The following SF3B3 variants were observed in gnomAD, a reference collection of about 807,000 sequenced individuals.
SF3B3 encodes SAP 130.
SF3B3 carries 33 observed loss-of-function variants against 139.2 expected under a neutral mutation model. The ratio of observed to expected loss-of-function variants is 0.24; its 90% CI spans 0.18 to 0.32. SF3B3 has a LOEUF of 0.32. SF3B3 is among the 10% of genes least tolerant of loss of function. SF3B3 has a pLI of 1.00. For synonymous variants in SF3B3, 596 were observed against 563.6 expected (o/e 1.06, Z -0.81); for missense variants, 818 against 1,509.4 (o/e 0.54, Z 7.59).
intron 15 of SF3B3, among the ~76,000 whole-genome samples, chr16:70,557,759 C>T (rs550819295): frequency 1.8e-4 from 27 of 152,118 alleles, no homozygotes; most frequent in African/African-American, 6.3e-4. Context: ...CAGCAACATT[C>T]TGCTGTTCTT....
intron 22 of SF3B3, 78 bp from the exon 23 acceptor site, chr16:70,568,965 C>G: frequency 1.9e-6 from 2 of 1,025,730 alleles, no homozygotes; most frequent in South Asian, 3.1e-5. Flanking sequence ...TTGCAAAGAC[C>G]TGGCCAGACC....
intron 15 of SF3B3, 54 bp downstream of exon 15, chr16:70,557,083 A>C: frequency 6.6e-7 from 1 of 1,518,476 alleles, no homozygotes; most frequent in Non-Finnish European, 8.8e-7. Flanking sequence ...TACGTTTCAC[A>C]CACTCCTTTG....
intron 8 of SF3B3, 57 bp from the exon 9 acceptor site, chr16:70,541,612 A>G (rs1171579925): frequency 2.2e-6 from 3 of 1,391,118 alleles, no homozygotes; most frequent in Non-Finnish European, 3.0e-6. Context: ...GATGCCAGAC[A>G]TTATCGTCAG....
intron 11 of SF3B3, among the ~76,000 whole-genome samples, chr16:70,552,531 A>G (rs2050337296): frequency 6.6e-6 from 1 of 152,226 alleles, no homozygotes; most frequent in Non-Finnish European, 1.5e-5. Context: ...AAGCCATCTT[A>G]TAAGACGTTC....
At chr16:70,538,271 A>G (rs761470262) in intron 6 of SF3B3, 52 bp from the exon 7 acceptor site, 40 of 1,537,394 alleles carry the variant, frequency 2.6e-5, no homozygotes, top group Admixed American at 8.5e-5. Context: ...TGAATTCCAG[A>G]ACTAAGAAGT....
intron 5 of SF3B3, among the ~76,000 whole-genome samples, chr16:70,534,737 T>A (rs886639044): frequency 2.6e-5 from 4 of 152,204 alleles, no homozygotes; most frequent in African/African-American, 9.6e-5. Context: ...GGCACGATCT[T>A]GGCTCACTAC....
At chr16:70,554,967 G>A (rs1336322022) in intron 12 of SF3B3, 84 bp from the exon 13 acceptor site, 2 of 1,347,378 alleles carry the variant, frequency 1.5e-6, no homozygotes, top group Non-Finnish European at 1.0e-6. Context: ...TCTGATTTTA[G>A]TGACAGATCT....
chr16:70,570,267 T>C (rs2050515633), intron 24 of SF3B3, 118 bp downstream of exon 24: 1 of 1,037,602 alleles, frequency 9.6e-7, no homozygotes, highest in Non-Finnish European at 1.4e-6. Flanking sequence ...CTGGGAATTA[T>C]AAAGTGACAG....
At chr16:70,567,609 A>C in intron 21 of SF3B3, 73 bp downstream of exon 21, 2 of 1,510,880 alleles carry the variant, frequency 1.3e-6, no homozygotes, top group South Asian at 2.6e-5. Context: ...GGTGGTGGGC[A>C]TTGAGTTTTA....
At chr16:70,529,310 T>C in intron 3 of SF3B3, 111 bp downstream of exon 3, 1 of 853,808 alleles carries the variant, frequency 1.2e-6, no homozygotes, top group Non-Finnish European at 1.8e-6. Context: ...GCATCATGTT[T>C]GGATTTACTC....
At chr16:70,532,769 G>T (rs754763279) in intron 5 of SF3B3, 149 bp downstream of exon 5, 378 of 758,874 alleles carry the variant, frequency 5.0e-4, no homozygotes, top group Non-Finnish European at 7.5e-4. Context: ...AGTTCATGTG[G>T]TGGAGTGATT....
At chr16:70,569,866 A>G (rs765408148) in intron 23 of SF3B3, 140 bp from the exon 24 acceptor site, 26 of 898,308 alleles carry the variant, frequency 2.9e-5, no homozygotes, top group Middle Eastern at 3.5e-4. Context: ...GGCTCAAGCA[A>G]TCCTCCCACG....
chr16:70,565,726 A>G, intron 20 of SF3B3: 2 of 567,260 alleles, frequency 3.5e-6, no homozygotes, highest in Non-Finnish European at 3.1e-6. Context: ...TGTGCTAACC[A>G]TCCATAATGG....
At chr16:70,531,094 A>C (rs1395075518) in intron 4 of SF3B3, among the ~76,000 whole-genome samples, 177 bp downstream of exon 4, 2 of 151,966 alleles carry the variant, frequency 1.3e-5, no homozygotes, top group East Asian at 3.9e-4. Flanking sequence ...GTGAAACCCC[A>C]TCTCTACTAA....
At chr16:70,533,595 A>G (rs1465222030) in intron 5 of SF3B3, among the ~76,000 whole-genome samples, 3 of 152,246 alleles carry the variant, frequency 2.0e-5, no homozygotes, top group African/African-American at 7.2e-5. Context: ...ATGGTTGGAA[A>G]TCAGTTCACC....
In SF3B3 at chr16:70,539,170, A is replaced by G. The variant is rs1278880223; in HGVS notation, c.1030A>G (p.Thr344Ala). Residue 344 changes from threonine to alanine, a missense_variant, in exon 8 of 26, where the codon ACA (threonine) becomes GCA (alanine). Thr to Ala is a moderately conservative substitution (Grantham distance 58). This residue lies in a region of SF3B3 where 80 missense variants were observed against 206.5 expected (regional missense o/e 0.39). Coordinates refer to ENST00000302516, the MANE Select transcript of SF3B3 (RefSeq NM_012426.5). ...PVAAAMCVLK[T>A]GFLFVASEFG... is the part of the protein sequence containing the mutation. ...TGCTGCTGCCATGTGTGTGCTTAAA[A>G]CAGGGTTCCTTTTTGTAGCATCAGA... 6.2e-7 allele frequency: 1 copy of G among 1,613,928 alleles called. No homozygotes were observed. Among genetic ancestry groups the G allele is most frequent in the Non-Finnish European group, 8.5e-7 (1 of 1,179,946 alleles).
Position 70,565,141 on chromosome 16 carries a change from T to C in SF3B3, c.2540T>C (p.Leu847Pro), listed in dbSNP as rs200395147. Residue 847 changes from leucine (L) to proline (P), a missense_variant, in exon 19 of 26, where the codon CTC becomes CCC. Around this residue, in one of 14 missense-constraint regions of SF3B3, gnomAD observed 25 missense variants for 68.1 expected, o/e 0.37. Transcript: ENST00000302516. ...GCAGCAGCATTCCTCAATGAAAACC[T>C]CCCTGAATCCATCTTTGGAGCTCCC... ...EMAAAFLNENLPESIFGAPKA... is the reference protein window; with the variant it reads ...EMAAAFLNENPPESIFGAPKA... 2 of 1,614,148 alleles carry C rather than the reference T, an allele frequency of 1.2e-6. No homozygotes were observed. The highest frequency in any genetic ancestry group is 4.5e-5 in the East Asian group (2 of 44,882).
chr16:70,562,140 G>A (rs765860986), intron 17 of SF3B3, among the ~76,000 whole-genome samples: 1 of 152,194 alleles, frequency 6.6e-6, no homozygotes, highest in African/African-American at 2.4e-5. Flanking sequence ...GTCATTTGCG[G>A]TATTAAATCT....
chr16:70,535,198 C>G (rs1358559365), intron 5 of SF3B3, 110 bp from the exon 6 acceptor site: 2 of 562,038 alleles, frequency 3.6e-6, no homozygotes, highest in Non-Finnish European at 6.5e-6. Context: ...TGTTTCTTAG[C>G]ATCAGGCACA....
Sources: allele counts gnomAD v4.1 joint callset (sites outside exome capture counted in the v4.1 genomes callset), GRCh38; gene constraint gnomAD v4.1.1; regional missense constraint gnomAD v4.1.1; transcripts MANE v1.5; gene names NCBI Gene and HGNC (gene_info 2026-07-23, HGNC 2026-07-21).